CEP128: variants seen among roughly 807,000 people sequenced by gnomAD.
The protein encoded by CEP128 is centrosomal protein 128kDa.
In CEP128, 132 loss-of-function variants were observed where a neutral mutation model predicts 156.7. The observed-to-expected ratio is 0.84, with a 90% CI of 0.73 to 0.97. CEP128 has a LOEUF of 0.97. CEP128 is among the 50% of genes least tolerant of loss of function. CEP128 has a pLI of 0.00. For missense variants in CEP128, 1,252 were observed against 1,281.9 expected, an observed-to-expected ratio of 0.98 and a Z score of 0.36; for synonymous variants, 469 against 448.9, an observed-to-expected ratio of 1.04 and a Z score of -0.57.
intron 8 of CEP128, among the ~76,000 whole-genome samples, chr14:80,893,072 C>G (rs996346224): frequency 6.6e-6 from 1 of 151,846 alleles, no homozygotes; most frequent in African/African-American, 2.4e-5. Flanking sequence ...ATGGAAACAA[C>G]CTAAGTGTCT....
chr14:80,678,191 A>C (rs1462838179), intron 19 of CEP128, among the ~76,000 whole-genome samples: 1 of 151,762 alleles, frequency 6.6e-6, no homozygotes, highest in Non-Finnish European at 1.5e-5. Context: ...AAATGGAACC[A>C]CATGTATACA....
chr14:80,857,771 A>C (rs1251824419), intron 9 of CEP128, among the ~76,000 whole-genome samples: 4 of 151,874 alleles, frequency 2.6e-5, no homozygotes, highest in Admixed American at 6.6e-5. Flanking sequence ...ACAACAACAA[A>C]AAACATGAAT....
At chr14:80,836,574 T>A (rs922299379) in intron 11 of CEP128, among the ~76,000 whole-genome samples, 1 of 152,096 alleles carries the variant, frequency 6.6e-6, no homozygotes, top group African/African-American at 2.4e-5. Context: ...TTTTTTTTCA[T>A]CACTTATTTT....
intron 19 of CEP128, among the ~76,000 whole-genome samples, chr14:80,598,361 T>G (rs1892431832): frequency 6.6e-6 from 1 of 152,146 alleles, no homozygotes. Context: ...TTATACCATT[T>G]AAAATCACTC....
intron 15 of CEP128, among the ~76,000 whole-genome samples, chr14:80,779,566 C>A (rs1900990125): frequency 6.6e-6 from 1 of 152,154 alleles, no homozygotes; most frequent in African/African-American, 2.4e-5. Flanking sequence ...TGTGCTGCAG[C>A]CAGCTCATAG....
chr14:80,773,568 T>C (rs1900629627), intron 16 of CEP128, among the ~76,000 whole-genome samples: 1 of 152,152 alleles, frequency 6.6e-6, no homozygotes, highest in African/African-American at 2.4e-5. Context: ...ATTTATAAGC[T>C]CATAACTATT....
chr14:80,888,380 A>T (rs759572813), intron 8 of CEP128, among the ~76,000 whole-genome samples: 4 of 152,230 alleles, frequency 2.6e-5, no homozygotes, highest in Non-Finnish European at 2.9e-5. Flanking sequence ...GAAAATCCTC[A>T]GTAAAATACT....
chr14:80,702,769 T>C (rs534688840), intron 19 of CEP128, among the ~76,000 whole-genome samples: 1 of 152,304 alleles, frequency 6.6e-6, no homozygotes, highest in East Asian at 1.9e-4. Flanking sequence ...GTGTTTCCAA[T>C]GGTTGCTTGG....
intron 9 of CEP128, among the ~76,000 whole-genome samples, chr14:80,856,684 T>C (rs1446911640): frequency 6.7e-6 from 1 of 149,296 alleles, no homozygotes; most frequent in East Asian, 2.0e-4. Context: ...TGTGCGTGTG[T>C]GTGTGTGTCC....
intron 24 of CEP128, 61 bp downstream of exon 24, chr14:80,504,851 T>A: frequency 1.2e-6 from 1 of 818,690 alleles, no homozygotes; most frequent in Admixed American, 2.4e-5. Flanking sequence ...AAACTAATTT[T>A]CCCATGTGTT....
intron 19 of CEP128, among the ~76,000 whole-genome samples, chr14:80,613,539 G>A (rs1366388215): frequency 1.3e-5 from 2 of 151,288 alleles, no homozygotes; most frequent in Non-Finnish European, 2.9e-5. Context: ...TCAATCTCCT[G>A]ACCTTGTGAT....
intron 8 of CEP128, among the ~76,000 whole-genome samples, chr14:80,875,445 C>A (rs1464420557): frequency 2.0e-5 from 3 of 152,058 alleles, no homozygotes; most frequent in Admixed American, 2.0e-4. Flanking sequence ...ACTAAAGAAT[C>A]AAAACTAAAC....
At chr14:80,925,347 A>C (rs1457973676) in intron 2 of CEP128, among the ~76,000 whole-genome samples, 2 of 152,166 alleles carry the variant, frequency 1.3e-5, no homozygotes, top group Non-Finnish European at 2.9e-5. Context: ...ATTGAGAAGA[A>C]ACATGAGAAG....
intron 10 of CEP128, 145 bp downstream of exon 10, chr14:80,840,537 A>G: frequency 1.9e-6 from 1 of 518,082 alleles, no homozygotes; most frequent in Non-Finnish European, 3.4e-6. Flanking sequence ...CAAGTAGAAG[A>G]GCCGTTGAAC....
chr14:80,693,020 C>T (rs1477707371), intron 19 of CEP128, among the ~76,000 whole-genome samples: 1 of 152,126 alleles, frequency 6.6e-6, no homozygotes, highest in Non-Finnish European at 1.5e-5. Flanking sequence ...GAGATGAGAC[C>T]TGAGAGTCTA....
chr14:80,773,051 G>A (rs964337672), intron 16 of CEP128, among the ~76,000 whole-genome samples: 1 of 152,174 alleles, frequency 6.6e-6, no homozygotes, highest in African/African-American at 2.4e-5. Context: ...AAGGAGAAAA[G>A]TAAAATGAGG....
At chr14:80,812,533 C>T (rs139313758) in intron 13 of CEP128, among the ~76,000 whole-genome samples, 186 of 152,304 alleles carry the variant, frequency 1.2e-3, no homozygotes, top group Non-Finnish European at 2.1e-3. Flanking sequence ...AATGGATAAG[C>T]GTTCCCTTTC....
rs886551240 is a variant in CEP128, at chr14:80,496,558, T to C, written c.*921A>G. The C allele has an allele frequency of 9.8e-5, 15 of 152,698 alleles. No homozygotes were observed. The highest frequency in any genetic ancestry group is 3.6e-4 in the African/African-American group (15 of 41,472). The allele number at this position is 152,698 out of a possible 1,614,324, so 9.5% of individuals were successfully genotyped here. A position where few individuals can be genotyped will look rare whatever the true frequency, so the allele number is the denominator to read the frequency against. On this transcript the variant is annotated 3_prime_UTR_variant, in exon 25 of 25. Coordinates refer to ENST00000555265, the MANE Select transcript of CEP128 (RefSeq NM_152446.5). ...CAATAGGATTCAGTTCCTGAAAGTT[T>C]ACTATTACTTAGCATTTAATATAAA...
chr14:80,913,692 TG>T (rs1174492917), intron 4 of CEP128, among the ~76,000 whole-genome samples: 1 of 151,780 alleles, frequency 6.6e-6, no homozygotes, highest in Non-Finnish European at 1.5e-5. Flanking sequence ...GTATACAGAG[TG>T]GTATAATGGA....
Sources: gnomAD v4.1 joint callset for allele counts (sites outside exome capture counted in the v4.1 genomes callset) on GRCh38, gnomAD v4.1.1 for gene constraint, MANE v1.5 for transcripts, NCBI Gene and HGNC (gene_info 2026-07-23, HGNC 2026-07-21) for gene names.